WIPF1: variants seen among roughly 807,000 people sequenced by gnomAD.
The protein encoded by WIPF1 is WAS/WASL interacting protein family member 1, also known as WAS/WASL-interacting protein family member 1.
WIPF1 carries 13 observed loss-of-function variants against 35.4 expected under a neutral mutation model. The observed-to-expected ratio is 0.37, with a 90% confidence interval of 0.24 to 0.58. The LOEUF (loss-of-function observed/expected upper bound fraction) is 0.58, where lower values mean the gene tolerates loss of function less well. WIPF1 is among the 20% of genes least tolerant of loss of function. The probability of loss-of-function intolerance (pLI) is 0.74; values close to 1 mark genes in which losing one functional copy is unlikely to be tolerated. For missense variants in WIPF1, 591 were observed against 667.0 expected (o/e 0.89, Z 1.25); for synonymous variants, 267 against 266.3 (o/e 1.00, Z -0.02).
At chr2:174,575,550 C>CTGGAG in intron 3 of WIPF1, 170 bp from the exon 4 acceptor site, 1 of 1,184,918 alleles carries the variant, frequency 8.4e-7, no homozygotes, top group Non-Finnish European at 1.1e-6. Context: ...TCAGAACTGC[C>CTGGAG]CGCTCCAGGC....
intron 1 of WIPF1, among the ~76,000 whole-genome samples, chr2:174,667,271 G>A (rs1687912524): frequency 6.6e-6 from 1 of 152,150 alleles, no homozygotes; most frequent in East Asian, 1.9e-4. Context: ...GTCTCTGCAG[G>A]AATTGTAAAG....
intron 1 of WIPF1, among the ~76,000 whole-genome samples, chr2:174,618,211 A>G (rs773348220): frequency 5.8e-4 from 88 of 152,240 alleles, no homozygotes; most frequent in Non-Finnish European, 9.4e-4. Context: ...ACCATGGTCA[A>G]CTGGACCAGG....
chr2:174,624,402 G>A (rs941292945), intron 1 of WIPF1, among the ~76,000 whole-genome samples: 1 of 152,146 alleles, frequency 6.6e-6, no homozygotes, highest in African/African-American at 2.4e-5. Context: ...CATAACCACT[G>A]CAGGTATTTT....
intron 1 of WIPF1, among the ~76,000 whole-genome samples, chr2:174,611,541 G>A (rs1686347576): frequency 1.3e-5 from 2 of 152,186 alleles, no homozygotes; most frequent in Admixed American, 1.3e-4. Flanking sequence ...CCTCTCTGGG[G>A]CTCCCCAGCC....
At chr2:174,661,314 C>T (rs554796606) in intron 1 of WIPF1, among the ~76,000 whole-genome samples, 1 of 152,256 alleles carries the variant, frequency 6.6e-6, no homozygotes, top group Admixed American at 6.5e-5. Context: ...TGGCAAAAAG[C>T]CTATTACATT....
chr2:174,682,056 T>C (rs1194557506), intron 1 of WIPF1, among the ~76,000 whole-genome samples: 1 of 152,214 alleles, frequency 6.6e-6, no homozygotes, highest in East Asian at 1.9e-4. Context: ...AAAGTATGTA[T>C]AGTAGAAAAA....
chr2:174,578,911 C>T (rs1685149338), intron 3 of WIPF1, among the ~76,000 whole-genome samples: 1 of 152,192 alleles, frequency 6.6e-6, no homozygotes, highest in African/African-American at 2.4e-5. Context: ...AAACACTATT[C>T]ATTGATGAAT....
intron 1 of WIPF1, among the ~76,000 whole-genome samples, chr2:174,659,802 C>A (rs915617613): frequency 4.6e-5 from 7 of 152,154 alleles, no homozygotes; most frequent in African/African-American, 1.7e-4. Flanking sequence ...AATTTATCTG[C>A]GTATAGTAAG....
rs1374745100 is a variant in WIPF1, at chr2:174,572,150, G to T, written c.655C>A (p.Pro219Thr). ...GPRQPSPGPT[P>T]PPFPGNRGTA... The stretch of plus-strand genomic sequence containing the variant: ...CCGCGGTTTCCAGGGAAAGGGGGAG[G>T]AGTGGGCCCGGGGCTGGGCTGCCTG... Residue 219 changes from proline to threonine, a missense_variant, in exon 5 of 8, where the codon CCT (proline) becomes ACT (threonine). By Grantham distance (38) the Pro-to-Thr change is conservative (BLOSUM62 -1). Transcript: ENST00000679041. 1 of 1,613,216 alleles carries T rather than the reference G, an allele frequency of 6.2e-7. No individual in the cohort carries two copies. The highest frequency in any genetic ancestry group is 8.5e-7 in the Non-Finnish European group (1 of 1,179,598).
chr2:174,649,728 C>T (rs1381664549), intron 1 of WIPF1, among the ~76,000 whole-genome samples: 1 of 152,136 alleles, frequency 6.6e-6, no homozygotes, highest in Non-Finnish European at 1.5e-5. Flanking sequence ...TTTCCTGAGC[C>T]TCTCCTGTGT....
rs532034885 is a variant in WIPF1, at chr2:174,622,777, T to G, written c.-38-37166A>C. Among the ~76,000 whole-genome samples the G allele has an allele frequency of 6.6e-6, 1 of 152,360 alleles. No individual in the cohort carries two copies. The highest frequency in any genetic ancestry group is 2.4e-5 in the African/African-American group (1 of 41,576). ...TTCTTAACAATTTTTATTTTTGTTT[T>G]TAATTTTTGTGGGTACACAGTCTTT... On this transcript the variant is annotated intron_variant, in intron 1 of 8. Coordinates refer to the WIPF1 transcript ENST00000272746. The surrounding 1 kb of genome is among the most constrained non-coding windows in gnomAD (Gnocchi z 5.1).
chr2:174,651,004 G>A (rs1293607596), intron 1 of WIPF1, among the ~76,000 whole-genome samples: 1 of 152,224 alleles, frequency 6.6e-6, no homozygotes, highest in Non-Finnish European at 1.5e-5. Flanking sequence ...ATTGCTTGTT[G>A]GGCTTTTAAA....
chr2:174,564,779 G>C (rs976738268), intron 7 of WIPF1, among the ~76,000 whole-genome samples: 11 of 150,866 alleles, frequency 7.3e-5, no homozygotes, highest in Middle Eastern at 6.5e-3. Flanking sequence ...AGGAAGAAGG[G>C]CTGTACTCTT....
intron 5 of WIPF1, chr2:174,568,739 A>G (rs1684742829): frequency 2.0e-5 from 3 of 152,230 alleles, no homozygotes; most frequent in Admixed American, 2.0e-4. Context: ...ACCCTGAGCA[A>G]GCTGGTACCC....
intron 1 of WIPF1, among the ~76,000 whole-genome samples, chr2:174,645,431 G>A (rs1013191402): frequency 1.3e-5 from 2 of 152,158 alleles, no homozygotes; most frequent in Non-Finnish European, 2.9e-5. Flanking sequence ...TGTGCAGCAG[G>A]TAACTGTGGC....
At position 174,575,310 on chromosome 2, in the gene WIPF1, A is replaced by T; in HGVS notation, c.252T>A (p.Gly84=). 6.2e-7 allele frequency: 1 copy of T among 1,612,666 alleles called. No individual in the cohort carries two copies. The highest frequency in any genetic ancestry group is 8.5e-7 in the Non-Finnish European group (1 of 1,179,544). Residue 84 remains glycine, a synonymous_variant, in exon 4 of 8, where the codon GGT becomes GGA. Transcript: ENST00000679041. Reference sequence around the variant, plus strand: ...CAAAACTTCCACCGCCTCCGCCACCACCTCCTCCGCCAAATCCGCCGCCTC... The same window carrying T: ...CAAAACTTCCACCGCCTCCGCCACCTCCTCCTCCGCCAAATCCGCCGCCTC... ...FGGGGGFGGG[G]GGGGGGSFGG...
chr2:174,646,037 A>G (rs1023918683), intron 1 of WIPF1, among the ~76,000 whole-genome samples: 9 of 152,208 alleles, frequency 5.9e-5, no homozygotes, highest in African/African-American at 1.9e-4. Flanking sequence ...ACCATCTTAC[A>G]TTTGGTGCTC....
At chr2:174,592,743 T>C (rs1685661237) in intron 1 of WIPF1, among the ~76,000 whole-genome samples, 1 of 151,920 alleles carries the variant, frequency 6.6e-6, no homozygotes, top group Non-Finnish European at 1.5e-5. Context: ...GTAGCTGGGA[T>C]TACAGGCGTG....
At chr2:174,672,919 G>C (rs747721172) in intron 1 of WIPF1, among the ~76,000 whole-genome samples, 1 of 152,172 alleles carries the variant, frequency 6.6e-6, no homozygotes, top group Non-Finnish European at 1.5e-5. Flanking sequence ...TAAATGAGCT[G>C]GTCAATATCA....
Sources: allele counts gnomAD v4.1 joint callset (sites outside exome capture counted in the v4.1 genomes callset), GRCh38; gene constraint gnomAD v4.1.1; non-coding constraint Gnocchi (gnomAD v3.1); transcripts MANE v1.5; gene names NCBI Gene and HGNC (gene_info 2026-07-23, HGNC 2026-07-21).